The following LCLAT1 variants were observed in gnomAD, a reference collection of about 807,000 sequenced individuals.
The protein encoded by LCLAT1 is lysocardiolipin acyltransferase 1, also known as 1-AGP acyltransferase 8.
A neutral mutation model predicts 30.7 loss-of-function variants in LCLAT1; 11 were observed. That is an observed-to-expected ratio of 0.36 (90% CI 0.23 to 0.59). The LOEUF is 0.59. Ranked by LOEUF, LCLAT1 falls within the 20% of genes least tolerant of loss-of-function variation. The pLI is 0.77. For missense variants in LCLAT1, 402 were observed against 458.6 expected (o/e 0.88, Z 1.13); for synonymous variants, 155 against 151.3 (o/e 1.02, Z -0.18).
intron 5 of LCLAT1, among the ~76,000 whole-genome samples, chr2:30,601,832 ATATATT>A (rs1667198250): frequency 4.0e-5 from 6 of 151,556 alleles, no homozygotes; most frequent in African/African-American, 7.3e-5. Flanking sequence ...CTATAGATAG[ATATATT>A]TATCTACAAC....
intron 1 of LCLAT1, among the ~76,000 whole-genome samples, chr2:30,514,243 C>T (rs1685075084): frequency 1.3e-5 from 2 of 152,232 alleles, no homozygotes; most frequent in African/African-American, 2.4e-5. Flanking sequence ...TTAGGACATA[C>T]TTGACATTGT....
intron 5 of LCLAT1, among the ~76,000 whole-genome samples, chr2:30,631,197 A>G: frequency 6.6e-6 from 1 of 152,122 alleles, no homozygotes; most frequent in East Asian, 1.9e-4. Context: ...TCTGACCTCT[A>G]TGGTGTCAGC....
chr2:30,579,361 G>T (rs181777731), intron 5 of LCLAT1, among the ~76,000 whole-genome samples: 1 of 152,042 alleles, frequency 6.6e-6, no homozygotes, highest in Non-Finnish European at 1.5e-5. Context: ...TGTCTTTGTC[G>T]TAAATGCATA....
chr2:30,579,148 T>C (rs1406807529), intron 5 of LCLAT1, among the ~76,000 whole-genome samples: 2 of 152,148 alleles, frequency 1.3e-5, no homozygotes, highest in Non-Finnish European at 2.9e-5. Flanking sequence ...TGAAGGCTTA[T>C]ATTTTAAAAC....
intron 5 of LCLAT1, chr2:30,605,958 G>T: frequency 3.2e-6 from 4 of 1,236,958 alleles, no homozygotes; most frequent in Non-Finnish European, 4.2e-6. Flanking sequence ...ACAGTTCACA[G>T]GAGGGTTCTT....
chr2:30,553,300 A>G (rs1351249403), intron 3 of LCLAT1, among the ~76,000 whole-genome samples: 3 of 152,238 alleles, frequency 2.0e-5, no homozygotes, highest in Non-Finnish European at 4.4e-5. Context: ...ACTAGGTTCT[A>G]AAATGATGAG....
At chr2:30,522,407 G>A (rs1685521790) in intron 1 of LCLAT1, among the ~76,000 whole-genome samples, 1 of 151,980 alleles carries the variant, frequency 6.6e-6, no homozygotes, top group Admixed American at 6.6e-5. Flanking sequence ...TTCCAAATAA[G>A]TGTATAGCTA....
intron 3 of LCLAT1, among the ~76,000 whole-genome samples, chr2:30,561,145 G>A (rs1665199550): frequency 1.3e-5 from 2 of 152,232 alleles, no homozygotes; most frequent in South Asian, 2.1e-4. Context: ...GTTTCACCAT[G>A]TTGGCCAGGC....
intron 1 of LCLAT1, among the ~76,000 whole-genome samples, chr2:30,479,490 C>T (rs1405984077): frequency 1.3e-5 from 2 of 152,084 alleles, no homozygotes; most frequent in African/African-American, 4.8e-5. Flanking sequence ...CAAGCAGTCC[C>T]TCTGCCTCAG....
intron 1 of LCLAT1, among the ~76,000 whole-genome samples, chr2:30,455,513 G>A (rs969769074): frequency 2.6e-5 from 4 of 152,116 alleles, no homozygotes; most frequent in African/African-American, 9.7e-5. Context: ...GCTTCTGGTG[G>A]CTGATGGCAT....
At chr2:30,505,687 T>C (rs1037571462) in intron 1 of LCLAT1, among the ~76,000 whole-genome samples, 2 of 152,114 alleles carry the variant, frequency 1.3e-5, no homozygotes, top group Non-Finnish European at 2.9e-5. Flanking sequence ...TCAGTTCCTA[T>C]ACCTGCTCCA....
At position 30,623,793 on chromosome 2, in the gene LCLAT1, G is replaced by A. The variant is rs181745917; in HGVS notation, c.629-16324G>A. Among the ~76,000 whole-genome samples, 32 of 152,228 alleles carry A rather than the reference G, an allele frequency of 2.1e-4. No individual in the cohort carries two copies. In the South Asian group the frequency reaches 3.1e-3, roughly 15 times the overall value. ...GGAAATTCATTGCAAAAAGATCATC[G>A]CCTAGGCACATAGTCATCAGGTTAT... On this transcript the variant is annotated intron_variant, in intron 5 of 5. Coordinates refer to ENST00000379509, the MANE Select transcript of LCLAT1 (RefSeq NM_001002257.3).
rs144367549 is a variant in LCLAT1, at chr2:30,468,937, G to A, written c.-5+21554G>A. On this transcript the variant is annotated intron_variant, in intron 1 of 5. Coordinates refer to ENST00000379509, the MANE Select transcript of LCLAT1 (RefSeq NM_001002257.3). ...CTTGTTATTTTCCATTTTTAAAATT[G>A]TGCCCATGCTAGTGGGTATATAGTG... is the stretch of plus-strand genomic sequence containing the variant. 1.9e-3 allele frequency among the ~76,000 whole-genome samples: 292 copies of A among 152,192 alleles called. 2 individuals are homozygous for A. The East Asian group carries it at 0.029, about 15-fold the overall frequency.
intron 5 of LCLAT1, among the ~76,000 whole-genome samples, chr2:30,598,234 A>G (rs1188061776): frequency 6.6e-6 from 1 of 152,000 alleles, no homozygotes; most frequent in African/African-American, 2.4e-5. Context: ...TCCTTTTTGT[A>G]TCTCTGGTAG....
At chr2:30,616,713 A>C (rs2148511552) in intron 5 of LCLAT1, among the ~76,000 whole-genome samples, 1 of 152,266 alleles carries the variant, frequency 6.6e-6, no homozygotes, top group African/African-American at 2.4e-5. Flanking sequence ...TTAATTAGGG[A>C]ATTATATCTT....
At chr2:30,603,685 A>G (rs972143823) in intron 5 of LCLAT1, among the ~76,000 whole-genome samples, 4 of 152,064 alleles carry the variant, frequency 2.6e-5, no homozygotes, top group African/African-American at 7.2e-5. Flanking sequence ...ATATGAATAG[A>G]ATCTCCAGGA....
intron 5 of LCLAT1, among the ~76,000 whole-genome samples, chr2:30,569,852 T>C (rs916994475): frequency 4.6e-5 from 7 of 152,204 alleles, no homozygotes; most frequent in African/African-American, 1.7e-4. Context: ...GGACTTGATA[T>C]TCATGTTGTA....
intron 3 of LCLAT1, among the ~76,000 whole-genome samples, chr2:30,539,146 G>C (rs1269519279): frequency 6.6e-6 from 1 of 151,174 alleles, no homozygotes; most frequent in Non-Finnish European, 1.5e-5. Context: ...CTTTAGTAGA[G>C]ATGGGGTTTC....
chr2:30,557,967 C>T (rs1665008169), intron 3 of LCLAT1, among the ~76,000 whole-genome samples: 1 of 152,052 alleles, frequency 6.6e-6, no homozygotes, highest in Non-Finnish European at 1.5e-5. Context: ...CAATTTTAAC[C>T]TCTGCTTCAC....
Sources: allele counts gnomAD v4.1 joint callset (sites outside exome capture counted in the v4.1 genomes callset), GRCh38; gene constraint gnomAD v4.1.1; transcripts MANE v1.5; gene names NCBI Gene and HGNC (gene_info 2026-07-23, HGNC 2026-07-21).